The following DLGAP4 variants were observed in gnomAD, a reference collection of about 807,000 sequenced individuals.
DLGAP4 encodes DLG associated protein 4.
In DLGAP4, 18 loss-of-function variants were observed where a neutral mutation model predicts 86.9. The ratio of observed to expected loss-of-function variants is 0.21; its 90% CI spans 0.14 to 0.31. The LOEUF is 0.31. Among genes scored for constraint, DLGAP4 ranks in the 10% least tolerant of loss-of-function variants. The probability of loss-of-function intolerance (pLI) is 1.00; values close to 1 mark genes in which losing one functional copy is unlikely to be tolerated. For synonymous variants in DLGAP4, 548 were observed against 574.3 expected (o/e 0.95, Z 0.65); for missense variants, 1,085 against 1,362.6 (o/e 0.80, Z 3.21).
chr20:36,448,471 T>C (rs532988876), intron 7 of DLGAP4, among the ~76,000 whole-genome samples: 28 of 152,358 alleles, frequency 1.8e-4, no homozygotes, highest in African/African-American at 6.3e-4. Flanking sequence ...CCTCAGTTTC[T>C]CCATGTATAA....
intron 10 of DLGAP4, among the ~76,000 whole-genome samples, chr20:36,514,162 G>GA (rs5841235): frequency 0.46 from 70,514 of 151,948 alleles, 19,638 homozygotes; most frequent in African/African-American, 0.79. Context: ...CGTTCTCAAG[G>GA]GAGAATCCAG....
At chr20:36,436,469 C>A in intron 4 of DLGAP4, 119 bp downstream of exon 4, 1 of 1,395,472 alleles carries the variant, frequency 7.2e-7, no homozygotes, top group Non-Finnish European at 9.4e-7. Flanking sequence ...GGAGCCACGC[C>A]CCCTTTGAGC....
intron 8 of DLGAP4, chr20:36,497,339 T>C: frequency 1.2e-5 from 16 of 1,314,714 alleles, no homozygotes; most frequent in Non-Finnish European, 1.3e-5. Context: ...CAGCCAGCCA[T>C]CTCCTGTCCA....
Position 36,416,279 on chromosome 20 carries a change from A to T in DLGAP4, c.-72-15367A>T, listed in dbSNP as rs569947155. 4.6e-4 allele frequency among the ~76,000 whole-genome samples: 70 copies of T among 152,198 alleles called. 2 individuals carry two copies. In the South Asian group the frequency reaches 0.014, roughly 30 times the overall value. On this transcript the variant is annotated intron_variant, in intron 2 of 12. Transcript: ENST00000339266. ...TGGGATTACAGGCATATGCCACTGT[A>T]CCTGACTAATTTTTGTATTTTTAGT...
In DLGAP4 at chr20:36,331,943, C is replaced by A. The variant is rs1040421405; in HGVS notation, c.-304+25431C>A. ...GAACAAACTGGGGAGGTTGTGCTGG[C>A]GGACATGTTCAGATGCGGCTGGAAA... On this transcript the variant is annotated intron_variant, in intron 1 of 12. Transcript: ENST00000339266. Among the ~76,000 whole-genome samples the A allele has an allele frequency of 4.1e-5, 6 of 147,122 alleles. No individual in the cohort carries two copies. The East Asian group carries it at 7.9e-4, about 19-fold the overall frequency.
At chr20:36,338,851 G>T (rs564270090) in intron 1 of DLGAP4, among the ~76,000 whole-genome samples, 2 of 152,360 alleles carry the variant, frequency 1.3e-5, no homozygotes, top group African/African-American at 4.8e-5. Context: ...CAGCCACCCA[G>T]GTGAAGAGGG....
At chr20:36,467,739 G>A (rs2034480045) in intron 7 of DLGAP4, among the ~76,000 whole-genome samples, 1 of 152,226 alleles carries the variant, frequency 6.6e-6, no homozygotes, top group Non-Finnish European at 1.5e-5. Context: ...GGGCCAGAAG[G>A]GAAAATGTTG....
At chr20:36,325,512 C>T (rs2065207248) in intron 1 of DLGAP4, among the ~76,000 whole-genome samples, 1 of 152,122 alleles carries the variant, frequency 6.6e-6, no homozygotes, top group African/African-American at 2.4e-5. Flanking sequence ...TTTCTGTTCA[C>T]TTGCTCTACC....
chr20:36,421,054 T>C (rs962757427), intron 2 of DLGAP4, among the ~76,000 whole-genome samples: 1 of 151,674 alleles, frequency 6.6e-6, no homozygotes, highest in South Asian at 2.1e-4. Flanking sequence ...GACCGGAGGA[T>C]CTCTTGAGCC....
rs369438289 is a variant in DLGAP4 at position 36,462,534 on chromosome 20, C to T, written c.1648+15597C>T. 3 of 1,601,022 alleles carry T rather than the reference C, an allele frequency of 1.9e-6. No homozygotes were observed. In the African/African-American group the frequency reaches 4.1e-5, roughly 22 times the overall value. ...TCCCTCTCCCTTTTTCTGTCTTTGC[C>T]GGGTCTCTGGGTCTCTGACCCCCAT... On this transcript the variant is annotated intron_variant, in intron 7 of 12. Transcript: ENST00000339266.
chr20:36,393,281 GA>G lies in DLGAP4; in HGVS notation c.-73+26008del. Among the ~76,000 whole-genome samples, 1 of 152,208 alleles carries G rather than the reference GA, an allele frequency of 6.6e-6. No homozygotes were observed. Among genetic ancestry groups the G allele is most frequent in the Non-Finnish European group, 1.5e-5 (1 of 67,998 alleles). On this transcript the variant is annotated intron_variant, in intron 2 of 12. Transcript: ENST00000339266. This position sits in a 1 kb window ranked among gnomAD's most constrained non-coding sequence, Gnocchi z 4.4. Reference sequence around the variant, plus strand: ...CTAACCAAGAGCCTGAGCAAGACTGGAAGTGCCTCCTTAGCCTGGGGTCAGA... The same window carrying G: ...CTAACCAAGAGCCTGAGCAAGACTGGAGTGCCTCCTTAGCCTGGGGTCAGA...
intron 10 of DLGAP4, chr20:36,512,634 T>C (rs563259126): frequency 2.9e-4 from 44 of 152,416 alleles, no homozygotes; most frequent in African/African-American, 1.0e-3. Flanking sequence ...AAGAGCAGTA[T>C]AGTGTCCACT....
intron 1 of DLGAP4, among the ~76,000 whole-genome samples, chr20:36,345,256 G>A (rs547796997): frequency 6.6e-6 from 1 of 152,204 alleles, no homozygotes; most frequent in Non-Finnish European, 1.5e-5. Flanking sequence ...CCCTGCAATT[G>A]GCTTCTGGAG....
At chr20:36,524,205 C>T in intron 10 of DLGAP4, 45 bp from the exon 11 acceptor site, 5 of 1,522,906 alleles carry the variant, frequency 3.3e-6, no homozygotes, top group Non-Finnish European at 3.6e-6. Context: ...CCCACCAAAC[C>T]CTGTGCTGTG....
At chr20:36,526,713 G>A (rs1273371072) in intron 12 of DLGAP4, 100 bp from the exon 13 acceptor site, 5 of 1,122,564 alleles carry the variant, frequency 4.5e-6, no homozygotes, top group Non-Finnish European at 5.0e-6. Context: ...CGGGGAGGCT[G>A]GGGTGGAGAC....
chr20:36,476,318 C>CG (rs2034917952), intron 7 of DLGAP4, among the ~76,000 whole-genome samples: 1 of 119,598 alleles, frequency 8.4e-6, no homozygotes. Flanking sequence ...TGGCAACCAC[C>CG]TTTTTTTTTT....
At chr20:36,396,855 G>A (rs2032017843) in intron 2 of DLGAP4, among the ~76,000 whole-genome samples, 1 of 152,232 alleles carries the variant, frequency 6.6e-6, no homozygotes, top group Admixed American at 6.5e-5. Context: ...TGATTCAGAA[G>A]AGGGAGAGTG....
At chr20:36,476,687 A>ATTTTTTTTTTTTTTTTTTGTTTTTTTT (rs74173983) in intron 7 of DLGAP4, among the ~76,000 whole-genome samples, 2 of 91,540 alleles carry the variant, frequency 2.2e-5, no homozygotes, top group African/African-American at 4.8e-5. Context: ...CACTAGCCCA[A>ATTTTTTTTTTTTTTTTTTGTTTTTTTT]TTTTTTTTTT....
chr20:36,469,752 C>CAAA (rs529690960), intron 7 of DLGAP4, among the ~76,000 whole-genome samples: 4 of 81,830 alleles, frequency 4.9e-5, no homozygotes, highest in African/African-American at 1.6e-4. Context: ...GACTCTGTCT[C>CAAA]AAAAAAAAAA....
Sources: gnomAD v4.1 joint callset for allele counts (sites outside exome capture counted in the v4.1 genomes callset) on GRCh38, gnomAD v4.1.1 for gene constraint, Gnocchi (gnomAD v3.1) non-coding constraint, MANE v1.5 for transcripts, NCBI Gene and HGNC (gene_info 2026-07-23, HGNC 2026-07-21) for gene names.